The following LRRC36 variants were observed in gnomAD, a reference collection of about 807,000 sequenced individuals.
LRRC36 encodes the protein leucine-rich repeat-containing protein 36.
In LRRC36, 62 loss-of-function variants were observed where a neutral mutation model predicts 81.1. The ratio of observed to expected loss-of-function variants is 0.76; its 90% confidence interval spans 0.62 to 0.94. The LOEUF is 0.94. Among genes scored for constraint, LRRC36 ranks in the 40% least tolerant of loss-of-function variants. LRRC36 has a pLI of 0.00. For missense variants in LRRC36, 761 were observed against 881.7 expected, an observed-to-expected ratio of 0.86 and a Z score of 1.73; for synonymous variants, 334 against 348.6, an observed-to-expected ratio of 0.96 and a Z score of 0.47.
At position 67,382,128 on chromosome 16, in the gene LRRC36, T is replaced by C; in HGVS notation, c.1931-5T>C. On this transcript the variant is annotated splice_polypyrimidine_tract_variant and splice_region_variant and intron_variant, in intron 12 of 13. Coordinates refer to ENST00000329956, the MANE Select transcript of LRRC36 (RefSeq NM_018296.6). ...TTTCACCCCTGGCTACTGTGCCCTT[T>C]GTAGATGATCTTCTGCACAAAAACC... 6.3e-7 allele frequency: 1 copy of C among 1,598,884 alleles called. No homozygotes were observed. Among genetic ancestry groups the C allele is most frequent in the East Asian group, 2.2e-5 (1 of 44,820 alleles).
At chr16:67,338,149 T>C (rs922275378) in intron 1 of LRRC36, among the ~76,000 whole-genome samples, 2 of 152,072 alleles carry the variant, frequency 1.3e-5, no homozygotes, top group African/African-American at 2.4e-5. Flanking sequence ...TCTACTAATA[T>C]CTACCATACA....
intron 12 of LRRC36, among the ~76,000 whole-genome samples, chr16:67,380,363 A>C (rs2040062654): frequency 6.6e-6 from 1 of 152,150 alleles, no homozygotes; most frequent in African/African-American, 2.4e-5. Context: ...CTCTGCCAAC[A>C]CTGGGCATTT....
chr16:67,354,502 C>T (rs2038809944), intron 5 of LRRC36, among the ~76,000 whole-genome samples: 1 of 152,024 alleles, frequency 6.6e-6, no homozygotes, highest in Admixed American at 6.6e-5. Flanking sequence ...GGTCTGAAAC[C>T]CCTAACCTCA....
At chr16:67,350,704 T>C (rs541977652) in intron 5 of LRRC36, among the ~76,000 whole-genome samples, 61 of 152,368 alleles carry the variant, frequency 4.0e-4, no homozygotes, top group Non-Finnish European at 7.1e-4. Context: ...GAATGTTTAC[T>C]ATATTCCTGT....
chr16:67,363,979 G>C (rs1266953651), intron 6 of LRRC36, among the ~76,000 whole-genome samples: 1 of 152,082 alleles, frequency 6.6e-6, no homozygotes, highest in Non-Finnish European at 1.5e-5. Flanking sequence ...AAGGCATTTT[G>C]GTCCTCAAAC....
At chr16:67,382,276 T>G in intron 13 of LRRC36, 29 bp downstream of exon 13, 1 of 1,500,710 alleles carries the variant, frequency 6.7e-7, no homozygotes, top group South Asian at 1.1e-5. Context: ...AGCTTGCTTC[T>G]AGAAGCAGAT....
In LRRC36 at chr16:67,365,374, G is replaced by T; in HGVS notation, c.754+19G>T. 1 of 1,609,816 alleles carries T rather than the reference G, an allele frequency of 6.2e-7. No individual in the cohort carries two copies. Among genetic ancestry groups the T allele is most frequent in the Non-Finnish European group, 8.5e-7 (1 of 1,176,540 alleles). ...GAAGATGGTAAATATTTTGCTCACT[G>T]AGTATTTTTCCCCCACACTAATCAG... On this transcript the variant is annotated intron_variant, in intron 7 of 13. Coordinates refer to ENST00000329956, the MANE Select transcript of LRRC36 (RefSeq NM_018296.6).
rs2040135756 is a variant in LRRC36, at chr16:67,382,170, G to C, written c.1968G>C (p.Gln656His). ...ACAAAAACCAACAGCTGACCATGCA[G>C]GTGGCTTGCCTGAACCAGGAGCTTG... ...LLHKNQQLTM[Q>H]VACLNQELAQ... is the part of the protein sequence containing the mutation. The change falls in exon 13 of 14, where the codon CAG (glutamine) becomes CAC (histidine). Residue 656 changes from glutamine to histidine, a missense_variant. Gln to His is a conservative substitution (Grantham distance 24, BLOSUM62 0). This residue lies in a region of LRRC36 where 359 missense variants were observed against 388.4 expected (regional missense o/e 0.92). Coordinates refer to ENST00000329956, the MANE Select transcript of LRRC36 (RefSeq NM_018296.6). The C allele has an allele frequency of 6.2e-7, 1 of 1,614,026 alleles. No homozygotes were observed. The highest frequency in any genetic ancestry group is 1.3e-5 in the African/African-American group (1 of 74,906).
At chr16:67,350,401 G>A (rs2038571716) in intron 5 of LRRC36, 111 bp downstream of exon 5, 1 of 882,644 alleles carries the variant, frequency 1.1e-6, no homozygotes, top group Middle Eastern at 2.3e-4. Flanking sequence ...CCAATTTGAA[G>A]CAAGCACAGG....
At chr16:67,378,909 G>A (rs2040011636) in intron 12 of LRRC36, among the ~76,000 whole-genome samples, 197 bp downstream of exon 12, 1 of 152,198 alleles carries the variant, frequency 6.6e-6, no homozygotes, top group Non-Finnish European at 1.5e-5. Flanking sequence ...GTTACCAGAT[G>A]AAGCTCTTGT....
chr16:67,384,891 G>A lies in LRRC36; in HGVS notation c.2067G>A (p.Glu689=), dbSNP rs1364997444. 6.2e-7 allele frequency: 1 copy of A among 1,614,150 alleles called. No homozygotes were observed. Residue 689 remains glutamate (E), a synonymous_variant, in exon 14 of 14, where the codon GAG becomes GAA. Coordinates refer to ENST00000329956, the MANE Select transcript of LRRC36 (RefSeq NM_018296.6). ...ESQRSLVVTN[E]YLLQQLNKEP... is the part of the protein sequence containing the mutation. ...TCAGATCCCTGGTGGTAACTAATGA[G>A]TATCTGCTGCAGCAGCTGAATAAGG...
intron 5 of LRRC36, among the ~76,000 whole-genome samples, chr16:67,352,019 T>C (rs1338166122): frequency 2.6e-5 from 4 of 152,274 alleles, no homozygotes; most frequent in Admixed American, 6.5e-5. Context: ...GAAAAATACA[T>C]TGAAGCATAA....
At chr16:67,370,757 T>C (rs1372731760) in intron 8 of LRRC36, among the ~76,000 whole-genome samples, 187 bp from the exon 9 acceptor site, 2 of 152,150 alleles carry the variant, frequency 1.3e-5, no homozygotes, top group Admixed American at 1.3e-4. Flanking sequence ...TATGTTCCCC[T>C]GCTCTGGTGT....
At chr16:67,343,972 A>G (rs1204068689) in intron 2 of LRRC36, among the ~76,000 whole-genome samples, 1 of 151,748 alleles carries the variant, frequency 6.6e-6, no homozygotes, top group Non-Finnish European at 1.5e-5. Flanking sequence ...ACCCACCACC[A>G]CACCCAGCTA....
chr16:67,331,843 C>T lies in LRRC36; in HGVS notation c.70+4911C>T, dbSNP rs893949854. Among the ~76,000 whole-genome samples the T allele has an allele frequency of 3.9e-5, 6 of 151,996 alleles. No individual in the cohort carries two copies. In the South Asian group the frequency reaches 1.2e-3, roughly 32 times the overall value. Reference sequence around the variant, plus strand: ...TCTCTACTAAAAATATAAAAATTAGCTGGGCGGGGTGGCACATGCCTGTAA... The same window carrying T: ...TCTCTACTAAAAATATAAAAATTAGTTGGGCGGGGTGGCACATGCCTGTAA... On this transcript the variant is annotated intron_variant, in intron 1 of 13. Coordinates refer to ENST00000329956, the MANE Select transcript of LRRC36 (RefSeq NM_018296.6).
At chr16:67,349,343 C>G (rs1335139227) in intron 4 of LRRC36, among the ~76,000 whole-genome samples, 1 of 151,748 alleles carries the variant, frequency 6.6e-6, no homozygotes, top group African/African-American at 2.4e-5. Context: ...GTCCCAGTTC[C>G]CCCACCTATA....
intron 13 of LRRC36, 69 bp from the exon 14 acceptor site, chr16:67,384,801 A>G: frequency 8.5e-7 from 1 of 1,169,928 alleles, no homozygotes; most frequent in Middle Eastern, 2.1e-4. Context: ...TTTGGGAGAC[A>G]TTTTGGGTCT....
rs150853816 is a variant in LRRC36 at position 67,376,803 on chromosome 16, C to T, written c.1737C>T (p.Asp579=). The part of the protein sequence containing the change: ...SQPRCCSHPE[D]TMKAFCRREL... ...CGAGGTGTTGCTCACATCCTGAAGA[C>T]ACGATGAAAGCATTCTGCAGGAGGG... The change falls in exon 11 of 14, where the codon GAC becomes GAT. Residue 579 remains aspartate (D), a synonymous_variant. Transcript: ENST00000329956. The T allele has an allele frequency of 2.1e-3, 3,309 of 1,614,044 alleles. 32 individuals are homozygous for T. The Middle Eastern group carries it at 0.034, about 17-fold the overall frequency.
At chr16:67,380,857 A>C (rs1200676418) in intron 12 of LRRC36, among the ~76,000 whole-genome samples, 1 of 152,182 alleles carries the variant, frequency 6.6e-6, no homozygotes, top group Non-Finnish European at 1.5e-5. Context: ...CTTGCTAAAC[A>C]AGTGGGGCCT....
Sources: gnomAD v4.1 joint callset for allele counts (sites outside exome capture counted in the v4.1 genomes callset) on GRCh38, gnomAD v4.1.1 for gene constraint, gnomAD v4.1.1 regional missense constraint, MANE v1.5 for transcripts, NCBI Gene and HGNC (gene_info 2026-07-23, HGNC 2026-07-21) for gene names.